The following PCDHA5 variants were observed in gnomAD, a reference collection of about 807,000 sequenced individuals.
PCDHA5 encodes protocadherin alpha-5.
PCDHA5 carries 43 observed loss-of-function variants against 61.6 expected under a neutral mutation model. That is an observed-to-expected ratio of 0.70 (90% CI 0.55 to 0.90). The LOEUF (loss-of-function observed/expected upper bound fraction) is 0.90, where lower values mean the gene tolerates loss of function less well. Ranked by LOEUF, PCDHA5 falls within the 40% of genes least tolerant of loss-of-function variation. The probability of loss-of-function intolerance (pLI) is 0.00; values close to 1 mark genes in which losing one functional copy is unlikely to be tolerated. For synonymous variants in PCDHA5, 627 were observed against 543.9 expected (o/e 1.15, Z -2.13); for missense variants, 1,298 against 1,222.7 (o/e 1.06, Z -0.92).
At chr5:140,902,038 A>G (rs900077287) in intron 1 of PCDHA5, among the ~76,000 whole-genome samples, 13 of 152,040 alleles carry the variant, frequency 8.6e-5, no homozygotes, top group African/African-American at 2.9e-4. Context: ...TAATTTTTGT[A>G]TGTTGATTTT....
intron 1 of PCDHA5, among the ~76,000 whole-genome samples, chr5:140,893,446 A>C (rs1305001651): frequency 6.6e-6 from 1 of 152,132 alleles, no homozygotes; most frequent in Non-Finnish European, 1.5e-5. Flanking sequence ...TGAAGCCAGG[A>C]GTTCAAGACC....
intron 1 of PCDHA5, chr5:140,883,089 A>G (rs1403331305): frequency 1.1e-5 from 17 of 1,614,038 alleles, no homozygotes; most frequent in Non-Finnish European, 1.4e-5. Context: ...GATGGTACAA[A>G]TGGAGATATA....
intron 1 of PCDHA5, chr5:140,836,635 C>A: frequency 1.2e-6 from 2 of 1,613,444 alleles, no homozygotes; most frequent in Non-Finnish European, 1.7e-6. Flanking sequence ...TGGTCATTCT[C>A]CCAGCAGAGG....
intron 1 of PCDHA5, chr5:140,836,240 C>G: frequency 6.2e-7 from 1 of 1,613,780 alleles, no homozygotes; most frequent in Non-Finnish European, 8.5e-7. Context: ...CCGGTGCGAG[C>G]ATCCCGTTCC....
chr5:140,872,354 A>G (rs2053612951), intron 1 of PCDHA5, among the ~76,000 whole-genome samples: 1 of 152,138 alleles, frequency 6.6e-6, no homozygotes, highest in Non-Finnish European at 1.5e-5. Context: ...TTGCCAGGCA[A>G]AGTGGTTCAG....
Position 141,012,278 on chromosome 5 carries a change from G to T in PCDHA5, c.*2341G>T, listed in dbSNP as rs545417237. ...CTGTAAGGATAAAACACGTCATGTG[G>T]ATTCATTTTGAATTGGTGCTATTGG... On this transcript the variant is annotated 3_prime_UTR_variant, in exon 4 of 4. Coordinates refer to ENST00000529859, the MANE Select transcript of PCDHA5 (RefSeq NM_018908.3). The T allele has an allele frequency of 6.5e-6, 1 of 153,848 alleles. No individual in the cohort carries two copies. The highest frequency in any genetic ancestry group is 2.1e-4 in the South Asian group (1 of 4,826). The allele number at this position is 153,848 out of a possible 1,614,324, so 9.5% of individuals were successfully genotyped here.
intron 3 of PCDHA5, among the ~76,000 whole-genome samples, chr5:140,983,425 C>T (rs1252010683): frequency 2.0e-5 from 3 of 152,198 alleles, no homozygotes; most frequent in Non-Finnish European, 4.4e-5. Context: ...GTAGAGACCA[C>T]AAATTGTGTC....
chr5:140,928,424 C>A, intron 1 of PCDHA5: 1 of 1,614,184 alleles, frequency 6.2e-7, no homozygotes, highest in Non-Finnish European at 8.5e-7. Context: ...ACTGCCAAAA[C>A]TTCCTTTGAC....
chr5:140,832,282 A>C (rs1771893772), intron 1 of PCDHA5, among the ~76,000 whole-genome samples: 4 of 152,208 alleles, frequency 2.6e-5, no homozygotes, highest in Admixed American at 2.6e-4. Flanking sequence ...ATTAAGCATG[A>C]ATGGTGTATT....
At chr5:140,901,006 C>T (rs2068410974) in intron 1 of PCDHA5, among the ~76,000 whole-genome samples, 2 of 152,070 alleles carry the variant, frequency 1.3e-5, no homozygotes, top group African/African-American at 4.8e-5. Flanking sequence ...AGTATGTCTT[C>T]TTTTGAGAAA....
intron 1 of PCDHA5, chr5:140,967,039 G>GCTGGAC (rs1192512561): frequency 1.2e-6 from 2 of 1,611,626 alleles, no homozygotes; most frequent in Non-Finnish European, 1.7e-6. Flanking sequence ...GCTACCTGGA[G>GCTGGAC]CTGGACCTGA....
At chr5:140,981,223 T>C (rs1472733562) in intron 2 of PCDHA5, among the ~76,000 whole-genome samples, 2 of 152,234 alleles carry the variant, frequency 1.3e-5, no homozygotes, top group Non-Finnish European at 2.9e-5. Context: ...CTTTAGTCAG[T>C]AGTCTAAATT....
chr5:140,892,212 T>C (rs1554185117), intron 1 of PCDHA5, among the ~76,000 whole-genome samples: 5 of 152,236 alleles, frequency 3.3e-5, no homozygotes, highest in Admixed American at 2.6e-4. Context: ...TTTAAAATTG[T>C]ATCTTTATGG....
intron 1 of PCDHA5, chr5:140,875,698 G>T: frequency 6.2e-7 from 1 of 1,614,084 alleles, no homozygotes; most frequent in Non-Finnish European, 8.5e-7. Flanking sequence ...GGACCTTCTG[G>T]AGGTAAATCT....
intron 1 of PCDHA5, among the ~76,000 whole-genome samples, chr5:140,956,241 T>G (rs1396335938): frequency 1.3e-5 from 2 of 152,204 alleles, no homozygotes; most frequent in African/African-American, 4.8e-5. Context: ...TCAAGGGGAA[T>G]GCTTCCAGGT....
chr5:140,860,192 C>CATATATATATATATATATAT (rs143984774), intron 1 of PCDHA5: 1 of 146,816 alleles, frequency 6.8e-6, no homozygotes, highest in African/African-American at 2.5e-5. Context: ...GCTCTCCTTA[C>CATATATATATATATATATAT]ATATATATCT....
chr5:140,829,672 G>A (rs1449427900), intron 1 of PCDHA5: 5 of 1,612,994 alleles, frequency 3.1e-6, no homozygotes, highest in South Asian at 2.2e-5. Flanking sequence ...ACCACGAGGA[G>A]CTAGAGCTGC....
At chr5:140,965,911 G>C (rs1476309026) in intron 1 of PCDHA5, among the ~76,000 whole-genome samples, 1 of 152,206 alleles carries the variant, frequency 6.6e-6, no homozygotes, top group African/African-American at 2.4e-5. Context: ...CCAGGATGCT[G>C]GTTTTAGGCT....
At chr5:140,949,171 C>T (rs1554218845) in intron 1 of PCDHA5, among the ~76,000 whole-genome samples, 1 of 151,632 alleles carries the variant, frequency 6.6e-6, no homozygotes, top group Non-Finnish European at 1.5e-5. Flanking sequence ...CTCTTTTGGT[C>T]AGAGAACATA....
Sources: allele counts gnomAD v4.1 joint callset (sites outside exome capture counted in the v4.1 genomes callset), GRCh38; gene constraint gnomAD v4.1.1; transcripts MANE v1.5; gene names NCBI Gene and HGNC (gene_info 2026-07-23, HGNC 2026-07-21).